CACTIN: variants seen among roughly 807,000 people sequenced by gnomAD.
CACTIN encodes the protein cactin, spliceosome C complex subunit.
In CACTIN, 20 loss-of-function variants were observed where a neutral mutation model predicts 84.9. The ratio of observed to expected loss-of-function variants is 0.24; its 90% CI spans 0.17 to 0.34. The LOEUF is 0.34. Among genes scored for constraint, CACTIN ranks in the 10% least tolerant of loss-of-function variants. The pLI, the probability that CACTIN is intolerant of heterozygous loss-of-function variation, is 1.00. For missense variants in CACTIN, 897 were observed against 1,117.2 expected (o/e 0.80, Z 2.81); for synonymous variants, 549 against 467.9 (o/e 1.17, Z -2.24).
rs1172770482 is a variant in CACTIN at position 3,615,011 on chromosome 19, C to T, written c.1163-422G>A. The stretch of plus-strand genomic sequence containing the variant: ...TTGGGGGGTGTGCTCGGTAGCCAGG[C>T]TCTCTGGAATTCAGATCTTCTCTGC... On this transcript the variant is annotated intron_variant, in intron 6 of 9. Coordinates refer to ENST00000429344, the MANE Select transcript of CACTIN (RefSeq NM_001080543.2). The surrounding 1 kb of genome is among the most constrained non-coding windows in gnomAD (Gnocchi z 5.2). 3.7e-6 allele frequency: 1 copy of T among 267,024 alleles called. No individual in the cohort carries two copies. The highest frequency in any genetic ancestry group is 9.2e-5 in the East Asian group (1 of 10,824). The allele number at this position is 267,024 out of a possible 1,614,324, so 16.5% of individuals were successfully genotyped here.
chr19:3,623,664 AG>A, intron 2 of CACTIN, 23 bp downstream of exon 2: 1 of 1,565,758 alleles, frequency 6.4e-7, no homozygotes, highest in East Asian at 2.3e-5. Context: ...ACAGGGACAG[AG>A]GCCACCACCC....
rs2032952482 is a variant in CACTIN, at chr19:3,611,613, G to A, written c.*310C>T. 11 of 422,166 alleles carry A rather than the reference G, an allele frequency of 2.6e-5. No homozygotes were observed. The highest frequency in any genetic ancestry group is 4.1e-5 in the African/African-American group (2 of 49,112). 26.2% of individuals were successfully genotyped at this position (422,166 alleles called of 1,614,324 possible). On this transcript the variant is annotated 3_prime_UTR_variant, in exon 10 of 10. Transcript: ENST00000429344. ...GAGGGGCGGTGGAGAGTGTCCGCCT[G>A]GACGGTGAGGTCAGCTGGCGGCTGC...
In CACTIN at chr19:3,612,142, G is replaced by C; in HGVS notation, c.2058C>G (p.Ile686Met). 1.2e-6 allele frequency: 2 copies of C among 1,613,764 alleles called. No homozygotes were observed. Among genetic ancestry groups the C allele is most frequent in the Non-Finnish European group, 8.5e-7 (1 of 1,179,904 alleles). ...YKFNIFYPDL[I>M]DKRSTPEYFL... Reference sequence around the variant, plus strand: ...AGTACTCGGGCGTGGAGCGCTTGTCGATGAGGTCGGGGTAGAAGATGTTGA... The same window carrying C: ...AGTACTCGGGCGTGGAGCGCTTGTCCATGAGGTCGGGGTAGAAGATGTTGA... The change falls in exon 10 of 10, where the codon ATC (isoleucine) becomes ATG (methionine). Residue 686 changes from isoleucine to methionine, a missense_variant. Physicochemically the swap from Ile to Met is conservative, Grantham distance 10. Transcript: ENST00000429344.
rs777126778 is a variant in CACTIN, at chr19:3,619,117, G to C, written c.1010C>G (p.Thr337Ser). Residue 337 changes from threonine (T) to serine (S), a missense_variant, in exon 5 of 10, where the codon ACC (threonine) becomes AGC (serine). Around this residue, in one of 8 missense-constraint regions of CACTIN, gnomAD observed 304 missense variants for 444.3 expected, o/e 0.68. Transcript: ENST00000429344. ...HEPYTFLNGLTVADMEDLLED... is the reference protein window; with the variant it reads ...HEPYTFLNGLSVADMEDLLED... ...CAGCAGGTCCTCCATGTCGGCCACG[G>C]TGAGGCCGTTGAGGAACGTGTAGGG... 6 of 1,587,496 alleles carry C rather than the reference G, an allele frequency of 3.8e-6. No individual in the cohort carries two copies. The highest frequency in any genetic ancestry group is 5.1e-6 in the Non-Finnish European group (6 of 1,167,732).
chr19:3,623,072 C>CA (rs1039218159), intron 2 of CACTIN, among the ~76,000 whole-genome samples: 5 of 151,838 alleles, frequency 3.3e-5, no homozygotes, highest in Non-Finnish European at 4.4e-5. Flanking sequence ...TCCATCTTTA[C>CA]AAAAAAATAA....
At chr19:3,619,050 G>C in intron 5 of CACTIN, 30 bp downstream of exon 5, 1 of 1,550,482 alleles carries the variant, frequency 6.4e-7, no homozygotes, top group Non-Finnish European at 8.7e-7. Context: ...GAGGGTGCAG[G>C]TCAGAGGAGC....
intron 2 of CACTIN, among the ~76,000 whole-genome samples, chr19:3,621,419 C>A (rs1230800255): frequency 6.6e-6 from 1 of 152,246 alleles, no homozygotes; most frequent in Non-Finnish European, 1.5e-5. Flanking sequence ...TTCCCGACCA[C>A]CTTCCTCAGG....
rs773805896 is a variant in CACTIN at position 3,620,672 on chromosome 19, G to T, written c.738+35C>A. On this transcript the variant is annotated intron_variant, in intron 3 of 9. Coordinates refer to ENST00000429344, the MANE Select transcript of CACTIN (RefSeq NM_001080543.2). The stretch of plus-strand genomic sequence containing the variant: ...GGCGGGCCTCCAGGCCCTGGAAAGG[G>T]AGGGCCCTGCCCAGTGGGCTGGCAG... The T allele has an allele frequency of 7.1e-6, 11 of 1,547,236 alleles. No homozygotes were observed. In the African/African-American group the frequency reaches 9.5e-5, roughly 13 times the overall value.
At position 3,615,035 on chromosome 19, in the gene CACTIN, G is replaced by C. The variant is rs560034616; in HGVS notation, c.1163-446C>G. 8 of 236,670 alleles carry C rather than the reference G, an allele frequency of 3.4e-5. No individual in the cohort carries two copies. The highest frequency in any genetic ancestry group is 6.8e-5 in the Non-Finnish European group (8 of 118,506). 14.7% of individuals were successfully genotyped at this position (236,670 alleles called of 1,614,324 possible). ...GCTCTCTGGAATTCAGATCTTCTCT[G>C]CCAGCCTGGGCTGTGTGACTGTGGG... is the stretch of plus-strand genomic sequence containing the variant. On this transcript the variant is annotated intron_variant, in intron 6 of 9. Coordinates refer to ENST00000429344, the MANE Select transcript of CACTIN (RefSeq NM_001080543.2). The surrounding 1 kb of genome is among the most constrained non-coding windows in gnomAD (Gnocchi z 5.2).
At position 3,620,735 on chromosome 19, in the gene CACTIN, T is replaced by G; in HGVS notation, c.710A>C (p.Gln237Pro). 6.2e-7 allele frequency: 1 copy of G among 1,613,358 alleles called. No individual in the cohort carries two copies. The highest frequency in any genetic ancestry group is 8.5e-7 in the Non-Finnish European group (1 of 1,179,806). Residue 237 changes from glutamine to proline, a missense_variant, in exon 3 of 10, where the codon CAG becomes CCG. By Grantham distance (76) the Gln-to-Pro change is moderately conservative. This residue lies in a region of CACTIN where 304 missense variants were observed against 444.3 expected (regional missense o/e 0.68). Coordinates refer to ENST00000429344, the MANE Select transcript of CACTIN (RefSeq NM_001080543.2). ...CTGCAGCTCCAGCCGGTTGTCCTCCTGGATCCTCTTGTTCCGCTCCTTCAG... is the reference window on the plus strand; with the variant it reads ...CTGCAGCTCCAGCCGGTTGTCCTCCGGGATCCTCTTGTTCCGCTCCTTCAG... ...KELKERNKRIQEDNRLELQKV... is the reference protein window; with the variant it reads ...KELKERNKRIPEDNRLELQKV...
chr19:3,620,817 C>T lies in CACTIN; in HGVS notation c.643-15G>A. 1 of 1,606,968 alleles carries T rather than the reference C, an allele frequency of 6.2e-7. No individual in the cohort carries two copies. Among genetic ancestry groups the T allele is most frequent in the Non-Finnish European group, 8.5e-7 (1 of 1,175,088 alleles). On this transcript the variant is annotated splice_polypyrimidine_tract_variant and intron_variant, in intron 2 of 9. Transcript: ENST00000429344. ...TTCTCCAGGGCCTGGAAGCACCAGG[C>T]ACACCTGCCCTGAGCACAGACCCGC...
At chr19:3,613,697 G>A (rs1425435368) in intron 7 of CACTIN, 111 bp from the exon 8 acceptor site, 8 of 1,435,286 alleles carry the variant, frequency 5.6e-6, no homozygotes, top group Non-Finnish European at 7.5e-6. Context: ...AAGGTGGCGA[G>A]CAGCCACGGC....
intron 6 of CACTIN, chr19:3,616,285 C>A (rs974147783): frequency 1.3e-5 from 2 of 152,206 alleles, no homozygotes; most frequent in African/African-American, 4.8e-5. Flanking sequence ...GCTAGGTGCA[C>A]CAAAATCTCA....
At position 3,611,832 on chromosome 19, in the gene CACTIN, G is replaced by T; in HGVS notation, c.*91C>A. The T allele has an allele frequency of 1.3e-6, 2 of 1,508,084 alleles. No individual in the cohort carries two copies. The highest frequency in any genetic ancestry group is 9.0e-7 in the Non-Finnish European group (1 of 1,113,828). 93.4% of individuals were successfully genotyped at this position (1,508,084 alleles called of 1,614,324 possible). On this transcript the variant is annotated 3_prime_UTR_variant, in exon 10 of 10. Coordinates refer to ENST00000429344, the MANE Select transcript of CACTIN (RefSeq NM_001080543.2). Reference sequence around the variant, plus strand: ...TGGGACGTGAACCCGCGGCCCTGCAGCCCAGACAGCGGCCCCGGAGTGACC... The same window carrying T: ...TGGGACGTGAACCCGCGGCCCTGCATCCCAGACAGCGGCCCCGGAGTGACC...
At chr19:3,620,568 T>G (rs2033202187) in intron 3 of CACTIN, 139 bp downstream of exon 3, 1 of 690,602 alleles carries the variant, frequency 1.4e-6, no homozygotes, top group Admixed American at 2.8e-5. Flanking sequence ...GGGGCCATGG[T>G]CTGAGCCCCT....
intron 3 of CACTIN, 36 bp from the exon 4 acceptor site, chr19:3,620,308 T>C (rs1462062804): frequency 6.5e-7 from 1 of 1,541,584 alleles, no homozygotes; most frequent in Admixed American, 1.9e-5. Flanking sequence ...GCGGGGACCG[T>C]GCGGTCTGCA....
chr19:3,611,734 G>T lies in CACTIN; in HGVS notation c.*189C>A, dbSNP rs1172163488. 1 of 754,766 alleles carries T rather than the reference G, an allele frequency of 1.3e-6. No individual in the cohort carries two copies. The highest frequency in any genetic ancestry group is 2.2e-6 in the Non-Finnish European group (1 of 446,958). 46.8% of individuals were successfully genotyped at this position (754,766 alleles called of 1,614,324 possible). A position where few individuals can be genotyped will look rare whatever the true frequency, so the allele number is the denominator to read the frequency against. On this transcript the variant is annotated 3_prime_UTR_variant, in exon 10 of 10. Transcript: ENST00000429344. ...CCCAGTGTCTCCTCAGCTCACCATG[G>T]CAGGCTCAATGGTGACCCCCCTTTT...
intron 3 of CACTIN, 42 bp from the exon 4 acceptor site, chr19:3,620,314 C>T: frequency 6.5e-7 from 1 of 1,536,936 alleles, no homozygotes; most frequent in Non-Finnish European, 8.7e-7. Flanking sequence ...ACCGTGCGGT[C>T]TGCAGGGCTG....
intron 2 of CACTIN, among the ~76,000 whole-genome samples, chr19:3,623,081 A>T (rs920641070): frequency 8.5e-5 from 13 of 152,148 alleles, no homozygotes; most frequent in Non-Finnish European, 1.9e-4. Flanking sequence ...ACAAAAAAAT[A>T]AAAAATTAGC....
Sources: gnomAD v4.1 joint callset for allele counts (sites outside exome capture counted in the v4.1 genomes callset) on GRCh38, gnomAD v4.1.1 for gene constraint, gnomAD v4.1.1 regional missense constraint, Gnocchi (gnomAD v3.1) non-coding constraint, MANE v1.5 for transcripts, NCBI Gene and HGNC (gene_info 2026-07-23, HGNC 2026-07-21) for gene names.